Variants in PLPPR5 observed in about 807,000 individuals in gnomAD.
The protein encoded by PLPPR5 is phospholipid phosphatase-related protein type 5.
In PLPPR5, 16 loss-of-function variants were observed where a neutral mutation model predicts 33.9. The observed-to-expected ratio is 0.47, with a 90% CI of 0.32 to 0.72. The LOEUF (loss-of-function observed/expected upper bound fraction) is 0.72, where lower values mean the gene tolerates loss of function less well. Among genes scored for constraint, PLPPR5 ranks in the 30% least tolerant of loss-of-function variants. The pLI is 0.03. For missense variants in PLPPR5, 301 were observed against 406.7 expected (o/e 0.74, Z 2.23); for synonymous variants, 163 against 150.3 (o/e 1.08, Z -0.62).
Position 98,978,468 on chromosome 1 carries a change from T to C in PLPPR5, c.238-21727A>G, listed in dbSNP as rs187974321. On this transcript the variant is annotated intron_variant, in intron 1 of 5. Transcript: ENST00000263177. The stretch of plus-strand genomic sequence containing the variant: ...TAACTCTCTTTCTCTTTCTACAAAT[T>C]CCTCAATACTATAAAACAGACTAAG... Among the ~76,000 whole-genome samples the C allele has an allele frequency of 2.2e-4, 33 of 152,082 alleles. 1 individual carries two copies. Among genetic ancestry groups the C allele is most frequent in the African/African-American group, 5.1e-4 (21 of 41,514 alleles).
At chr1:98,993,609 T>A (rs1035204887) in intron 1 of PLPPR5, among the ~76,000 whole-genome samples, 2 of 152,078 alleles carry the variant, frequency 1.3e-5, no homozygotes, top group African/African-American at 4.8e-5. Context: ...ATTTTTTTAA[T>A]TGGAAATTTT....
chr1:98,891,840 C>T lies in PLPPR5; in HGVS notation c.*1232G>A, dbSNP rs756666606. 6.6e-6 allele frequency: 1 copy of T among 151,924 alleles called. No individual in the cohort carries two copies. The highest frequency in any genetic ancestry group is 1.5e-5 in the Non-Finnish European group (1 of 67,988). 9.4% of individuals were successfully genotyped at this position (151,924 alleles called of 1,614,324 possible). On this transcript the variant is annotated 3_prime_UTR_variant, in exon 6 of 6. Transcript: ENST00000263177. ...AGGATTCTACTGAGCTCTGAAAGGC[C>T]TCAGTGTCCAAAATGAGATGACAGC...
At chr1:98,981,120 A>G (rs1397349373) in intron 1 of PLPPR5, among the ~76,000 whole-genome samples, 1 of 152,050 alleles carries the variant, frequency 6.6e-6, no homozygotes, top group East Asian at 1.9e-4. Flanking sequence ...TTTTCTCTTT[A>G]GTTTACTAAA....
chr1:98,972,929 A>C (rs746588892), intron 1 of PLPPR5, among the ~76,000 whole-genome samples: 4 of 152,028 alleles, frequency 2.6e-5, no homozygotes, highest in Non-Finnish European at 5.9e-5. Context: ...ACTTTTTTTA[A>C]AGCTAGACAT....
At chr1:98,918,943 CA>C (rs1412324536) in intron 4 of PLPPR5, among the ~76,000 whole-genome samples, 1 of 152,106 alleles carries the variant, frequency 6.6e-6, no homozygotes, top group African/African-American at 2.4e-5. Flanking sequence ...GTGAACAAAA[CA>C]AAGAAAAAGA....
chr1:98,980,327 A>C (rs566903936), intron 1 of PLPPR5, among the ~76,000 whole-genome samples: 1 of 152,044 alleles, frequency 6.6e-6, no homozygotes, highest in Admixed American at 6.6e-5. Flanking sequence ...AACTCCTTTA[A>C]GTTCTCTCTC....
rs954766622 is a variant in PLPPR5, at chr1:99,004,779, G to T, written c.-108C>A. 6.6e-6 allele frequency: 4 copies of T among 602,278 alleles called. No homozygotes were observed. The highest frequency in any genetic ancestry group is 9.4e-6 in the Non-Finnish European group (4 of 423,458). 37.3% of individuals were successfully genotyped at this position (602,278 alleles called of 1,614,324 possible). On this transcript the variant is annotated 5_prime_UTR_variant, in exon 1 of 6. Coordinates refer to ENST00000263177, the MANE Select transcript of PLPPR5 (RefSeq NM_001037317.2). ...CCGGGGGCGCGGCGGCGGAGGCGGC[G>T]GGAGGACGAGGCACGGGAGGCGGGA...
rs905510612 is a variant in PLPPR5 at position 98,891,141 on chromosome 1, A to G, written c.*1931T>C. On this transcript the variant is annotated 3_prime_UTR_variant, in exon 6 of 6. Transcript: ENST00000263177. Reference sequence around the variant, plus strand: ...CCTAAAAAATCTTTAAAAAGGGTCAAGACATTCAAAGTTTCTTCATGTTCT... The same window carrying G: ...CCTAAAAAATCTTTAAAAAGGGTCAGGACATTCAAAGTTTCTTCATGTTCT... 3 of 152,154 alleles carry G rather than the reference A, an allele frequency of 2.0e-5. No homozygotes were observed. The highest frequency in any genetic ancestry group is 6.6e-5 in the Admixed American group (1 of 15,252). The allele number at this position is 152,154 out of a possible 1,614,324, so 9.4% of individuals were successfully genotyped here.
At chr1:98,951,903 A>G (rs2101210179) in intron 3 of PLPPR5, among the ~76,000 whole-genome samples, 1 of 152,282 alleles carries the variant, frequency 6.6e-6, no homozygotes, top group East Asian at 1.9e-4. Context: ...ATCTCTTGTT[A>G]ATGAGCTGAA....
intron 5 of PLPPR5, among the ~76,000 whole-genome samples, chr1:98,910,012 G>C (rs1284041740): frequency 6.6e-6 from 1 of 152,172 alleles, no homozygotes; most frequent in African/African-American, 2.4e-5. Flanking sequence ...GGGATAAATT[G>C]CTGGCATAAA....
At chr1:98,953,827 A>G (rs438535) in intron 2 of PLPPR5, among the ~76,000 whole-genome samples, 106,184 of 152,096 alleles carry the variant, frequency 0.7, 37,921 homozygotes, top group East Asian at 0.95. Context: ...TAAATCCAGT[A>G]CCATCAGTTT....
At position 98,974,177 on chromosome 1, in the gene PLPPR5, T is replaced by C. The variant is rs529093939; in HGVS notation, c.238-17436A>G. 2.0e-5 allele frequency among the ~76,000 whole-genome samples: 3 copies of C among 151,976 alleles called. No individual in the cohort carries two copies. The South Asian group carries it at 6.2e-4, about 32-fold the overall frequency. The stretch of plus-strand genomic sequence containing the variant: ...AAACAAAGGACACTGGGCAGAAGTG[T>C]CAGCAAGTAGAGAAGAAAATTATCA... On this transcript the variant is annotated intron_variant, in intron 1 of 5. Coordinates refer to ENST00000263177, the MANE Select transcript of PLPPR5 (RefSeq NM_001037317.2).
chr1:98,920,196 C>T (rs953099467), intron 4 of PLPPR5, among the ~76,000 whole-genome samples: 1 of 151,938 alleles, frequency 6.6e-6, no homozygotes, highest in Non-Finnish European at 1.5e-5. Context: ...CTGAGGTTGG[C>T]CTTGTAAGGT....
rs887728895 is a variant in PLPPR5 at position 98,985,369 on chromosome 1, G to A, written c.237+19066C>T. Reference sequence around the variant, plus strand: ...GCTGCATAATAACATTGTGGTCATTGATTGACTACACAGATGACTGCGGTT... The same window carrying A: ...GCTGCATAATAACATTGTGGTCATTAATTGACTACACAGATGACTGCGGTT... On this transcript the variant is annotated intron_variant, in intron 1 of 5. Coordinates refer to ENST00000263177, the MANE Select transcript of PLPPR5 (RefSeq NM_001037317.2). Among the ~76,000 whole-genome samples the A allele has an allele frequency of 3.9e-5, 6 of 152,026 alleles. No homozygotes were observed. In the South Asian group the frequency reaches 1.0e-3, roughly 26 times the overall value.
At chr1:98,992,281 G>A (rs1238641609) in intron 1 of PLPPR5, among the ~76,000 whole-genome samples, 5 of 152,062 alleles carry the variant, frequency 3.3e-5, no homozygotes, top group African/African-American at 1.2e-4. Flanking sequence ...CTGCTATTAT[G>A]TTTGCTATTA....
chr1:98,916,325 T>G (rs1649349939), intron 4 of PLPPR5, among the ~76,000 whole-genome samples: 1 of 152,202 alleles, frequency 6.6e-6, no homozygotes, highest in African/African-American at 2.4e-5. Context: ...ACCTCAACTT[T>G]GTAGTTGCCA....
rs924043880 is a variant in PLPPR5, at chr1:99,004,794, G to C, written c.-123C>G. On this transcript the variant is annotated 5_prime_UTR_variant, in exon 1 of 6. Coordinates refer to ENST00000263177, the MANE Select transcript of PLPPR5 (RefSeq NM_001037317.2). ...CGGAGGCGGCGGGAGGACGAGGCAC[G>C]GGAGGCGGGATGGAGCCGCTGGAGG... is the stretch of plus-strand genomic sequence containing the variant. 9.2e-5 allele frequency: 45 copies of C among 489,246 alleles called. No individual in the cohort carries two copies. The highest frequency in any genetic ancestry group is 1.2e-4 in the Non-Finnish European group (40 of 325,298). The allele number at this position is 489,246 out of a possible 1,614,324, so 30.3% of individuals were successfully genotyped here.
At chr1:98,981,473 C>T (rs1652062064) in intron 1 of PLPPR5, among the ~76,000 whole-genome samples, 1 of 152,038 alleles carries the variant, frequency 6.6e-6, no homozygotes, top group South Asian at 2.1e-4. Context: ...AGCAACATCA[C>T]CTCCTCTCAG....
chr1:98,965,210 T>C, intron 1 of PLPPR5, among the ~76,000 whole-genome samples: 1 of 152,110 alleles, frequency 6.6e-6, no homozygotes, highest in Admixed American at 6.5e-5. Context: ...TTTACCTCAT[T>C]GGGAGGAAGA....
Sources: allele counts gnomAD v4.1 joint callset (sites outside exome capture counted in the v4.1 genomes callset), GRCh38; gene constraint gnomAD v4.1.1; transcripts MANE v1.5; gene names NCBI Gene and HGNC (gene_info 2026-07-23, HGNC 2026-07-21).